SULT1A3: variants seen among roughly 807,000 people sequenced by gnomAD.
The protein encoded by SULT1A3 is sulfotransferase 1A3.
For missense variants in SULT1A3, 11 were observed against 62.7 expected, an observed-to-expected ratio of 0.18 and a Z score of 2.78; for synonymous variants, 4 against 29.3, an observed-to-expected ratio of 0.14 and a Z score of 2.79.
chr16:30,203,465 C>T (rs1187267435), intron 6 of SULT1A3, 40 bp from the exon 7 acceptor site: 144 of 6,902 alleles, frequency 0.021, no homozygotes, highest in Non-Finnish European at 0.036. Context: ...GAGGGGGACC[C>T]GTTTTGTTTT....
rs1975350 is a variant in SULT1A3 at position 30,200,833 on chromosome 16, A to G, written c.105A>G (p.Gln35=). Residue 35 remains glutamine (Q), a synonymous_variant, in exon 2 of 8, where the codon CAA becomes CAG. Transcript: ENST00000338971. The stretch of plus-strand genomic sequence containing the variant: ...CACTGGGGCCCCTGCAGAGCTTCCA[A>G]GCCCGACCTGATGACCTGCTCATCA... The part of the protein sequence containing the change: ...AEALGPLQSF[Q]ARPDDLLINT... 0.36 allele frequency: 291,822 copies of G among 805,652 alleles called. 13,857 individuals carry two copies. The highest frequency in any genetic ancestry group is 0.39 in the Non-Finnish European group (239,489 of 608,440). 49.9% of individuals were successfully genotyped at this position (805,652 alleles called of 1,614,324 possible). A position where few individuals can be genotyped will look rare whatever the true frequency, so the allele number is the denominator to read the frequency against.
At chr16:30,201,675 C>T (rs1297481416) in intron 4 of SULT1A3, among the ~76,000 whole-genome samples, 6 of 149,828 alleles carry the variant, frequency 4.0e-5, no homozygotes, top group African/African-American at 9.7e-5. Context: ...AGGGCCTCCT[C>T]GCTTCTGCCA....
In SULT1A3 at chr16:30,200,794, G is replaced by A; in HGVS notation, c.66G>A (p.Lys22=). ...LEYVKGVPLI[K]YFAEALGPLQ... Reference sequence around the variant, plus strand: ...ACGTGAAGGGGGTCCCGCTCATCAAGTACTTTGCAGAGGCACTGGGGCCCC... The same window carrying A: ...ACGTGAAGGGGGTCCCGCTCATCAAATACTTTGCAGAGGCACTGGGGCCCC... Residue 22 remains lysine, a synonymous_variant, in exon 2 of 8, where the codon AAG becomes AAA. Transcript: ENST00000338971. 8.6e-7 allele frequency: 1 copy of A among 1,166,988 alleles called. No individual in the cohort carries two copies. The allele number at this position is 1,166,988 out of a possible 1,614,324, so 72.3% of individuals were successfully genotyped here.
In SULT1A3 at chr16:30,201,364, C is replaced by T. The variant is rs1482186043; in HGVS notation, c.372+71C>T. ...CTGAGGAGGGAGGATCCCTTGAAGG[C>T]GAGAGATGGAGACCAGCCTGGGCAA... On this transcript the variant is annotated intron_variant, in intron 4 of 7. Coordinates refer to ENST00000338971, the MANE Select transcript of SULT1A3 (RefSeq NM_177552.4). The T allele has an allele frequency of 6.6e-5, 10 of 151,052 alleles. No individual in the cohort carries two copies. In the South Asian group the frequency reaches 1.0e-3, roughly 16 times the overall value. The allele number at this position is 151,052 out of a possible 1,614,324, so 9.4% of individuals were successfully genotyped here. A position where few individuals can be genotyped will look rare whatever the true frequency, so the allele number is the denominator to read the frequency against.
At chr16:30,200,288 C>T (rs1362475071) in intron 1 of SULT1A3, 2 of 7,100 alleles carry the variant, frequency 2.8e-4, no homozygotes, top group South Asian at 2.2e-3. Context: ...TTTGTGAGTG[C>T]GGGCAAGTCA....
intron 4 of SULT1A3, chr16:30,202,119 C>G (rs2073448896): frequency 5.0e-5 from 1 of 20,064 alleles, no homozygotes; most frequent in Non-Finnish European, 1.0e-4. Context: ...TCCCAAGGAG[C>G]TGGGATTACA....
At chr16:30,202,074 G>A (rs2073448660) in intron 4 of SULT1A3, 1 of 38,204 alleles carries the variant, frequency 2.6e-5, no homozygotes, top group Non-Finnish European at 5.3e-5. Flanking sequence ...TGCAACCACC[G>A]CCTCCTGGGT....
intron 4 of SULT1A3, among the ~76,000 whole-genome samples, chr16:30,201,800 TCTCCTGCCTCAGC>T (rs2073445866): frequency 7.5e-6 from 1 of 132,502 alleles, no homozygotes; most frequent in South Asian, 2.8e-4. Context: ...TTCAAGTGAT[TCTCCTGCCTCAGC>T]CTCCTGAGTA....
At position 30,204,221 on chromosome 16, in the gene SULT1A3, TACAGTGAGTTATG is replaced by T. The variant is rs2073454892; in HGVS notation, c.*305_*317del. The T allele has an allele frequency of 1.8e-6, 1 of 560,654 alleles. No individual in the cohort carries two copies. Among genetic ancestry groups the T allele is most frequent in the Non-Finnish European group, 3.2e-6 (1 of 310,794 alleles). The allele number at this position is 560,654 out of a possible 1,614,324, so 34.7% of individuals were successfully genotyped here. On this transcript the variant is annotated 3_prime_UTR_variant, in exon 8 of 8. Coordinates refer to ENST00000338971, the MANE Select transcript of SULT1A3 (RefSeq NM_177552.4). The stretch of plus-strand genomic sequence containing the variant: ...TCATTTCAGCCCAGGAGGTTGTGGA[TACAGTGAGTTATG>T]ACATGCCCATTCACTACAGCCTGGA...
At chr16:30,201,758 A>C (rs2073445471) in intron 4 of SULT1A3, among the ~76,000 whole-genome samples, 1 of 129,404 alleles carries the variant, frequency 7.7e-6, no homozygotes, top group African/African-American at 2.7e-5. Flanking sequence ...CAGTGGCATG[A>C]TCTCAGCTCA....
chr16:30,201,870 T>C (rs1366592611), intron 4 of SULT1A3, among the ~76,000 whole-genome samples: 1 of 124,046 alleles, frequency 8.1e-6, no homozygotes, highest in Non-Finnish European at 1.9e-5. Context: ...ATTTTTGTAT[T>C]CTTTTTAGTA....
chr16:30,201,716 CAG>C (rs1469629411), intron 4 of SULT1A3, among the ~76,000 whole-genome samples: 2 of 126,126 alleles, frequency 1.6e-5, no homozygotes, highest in East Asian at 2.0e-4. Context: ...TTTTTTGAGA[CAG>C]AGTCTTGCTC....
chr16:30,201,243 C>T lies in SULT1A3; in HGVS notation c.322C>T (p.His108Tyr). Residue 108 changes from histidine to tyrosine, a missense_variant, in exon 4 of 8, where the codon CAC becomes TAC. His to Tyr is a moderately conservative substitution (Grantham distance 83). Transcript: ENST00000338971. ...DTPPPRLIKS[H>Y]LPLALLPQTL... ...ACCGCCCCCACGGCTCATCAAGTCACACCTGCCCCTGGCTCTGCTCCCTCA... is the reference window on the plus strand; with the variant it reads ...ACCGCCCCCACGGCTCATCAAGTCATACCTGCCCCTGGCTCTGCTCCCTCA... 1 of 432,410 alleles carries T rather than the reference C, an allele frequency of 2.3e-6. No homozygotes were observed. The highest frequency in any genetic ancestry group is 2.4e-5 in the South Asian group (1 of 41,066). The allele number at this position is 432,410 out of a possible 1,614,324, so 26.8% of individuals were successfully genotyped here. A position where few individuals can be genotyped will look rare whatever the true frequency, so the allele number is the denominator to read the frequency against.
At chr16:30,200,620 G>C (rs1202197807) in intron 1 of SULT1A3, 105 bp from the exon 2 acceptor site, 4 of 1,440,580 alleles carry the variant, frequency 2.8e-6, no homozygotes, top group Non-Finnish European at 3.6e-6. Flanking sequence ...GCTTGGGTGA[G>C]AGTGAGACTC....
At chr16:30,201,647 T>C (rs1386369874) in intron 4 of SULT1A3, among the ~76,000 whole-genome samples, 1 of 151,704 alleles carries the variant, frequency 6.6e-6, no homozygotes, top group African/African-American at 2.4e-5. Context: ...CTCTCAGCCA[T>C]GTACCTGTTC....
In SULT1A3 at chr16:30,200,790, T is replaced by A. The variant is rs1309692134; in HGVS notation, c.62T>A (p.Ile21Asn). The change falls in exon 2 of 8, where the codon ATC becomes AAC. Residue 21 changes from isoleucine (I) to asparagine (N), a missense_variant. Ile to Asn is a moderately radical substitution (Grantham distance 149). Transcript: ENST00000338971. The stretch of plus-strand genomic sequence containing the variant: ...GAGTACGTGAAGGGGGTCCCGCTCA[T>A]CAAGTACTTTGCAGAGGCACTGGGG... ...PLEYVKGVPL[I>N]KYFAEALGPL... is the part of the protein sequence containing the mutation. The A allele has an allele frequency of 8.5e-7, 1 of 1,179,120 alleles. No individual in the cohort carries two copies. Among genetic ancestry groups the A allele is most frequent in the East Asian group, 3.8e-5 (1 of 26,556 alleles). The allele number at this position is 1,179,120 out of a possible 1,614,324, so 73.0% of individuals were successfully genotyped here.
At chr16:30,201,504 A>G (rs1347767574) in intron 4 of SULT1A3, among the ~76,000 whole-genome samples, 10 of 150,480 alleles carry the variant, frequency 6.6e-5, no homozygotes, top group African/African-American at 2.4e-4. Context: ...TGTTTATGCA[A>G]ATAGGAAGCT....
At chr16:30,202,083 G>T in intron 4 of SULT1A3, 2 of 34,896 alleles carry the variant, frequency 5.7e-5, no homozygotes, top group Non-Finnish European at 1.2e-4. Context: ...CGCCTCCTGG[G>T]TTCAAGCAAT....
intron 4 of SULT1A3, among the ~76,000 whole-genome samples, 192 bp downstream of exon 4, chr16:30,201,485 G>A (rs1486819334): frequency 2.7e-5 from 4 of 148,074 alleles, no homozygotes; most frequent in South Asian, 4.7e-4. Flanking sequence ...GAGGCTCAGC[G>A]GGGAGGACTG....
Sources: gnomAD v4.1 joint callset for allele counts (sites outside exome capture counted in the v4.1 genomes callset) on GRCh38, gnomAD v4.1.1 for gene constraint, MANE v1.5 for transcripts, NCBI Gene and HGNC (gene_info 2026-07-23, HGNC 2026-07-21) for gene names.